Variants in SLC36A1 observed in about 807,000 individuals in gnomAD.
SLC36A1 encodes the protein solute carrier family 36 member 1, also known as proton-coupled amino acid transporter 1.
SLC36A1 carries 30 observed loss-of-function variants against 47.5 expected under a neutral mutation model. That is an observed-to-expected ratio of 0.63 (90% confidence interval 0.47 to 0.86). The LOEUF (loss-of-function observed/expected upper bound fraction) is 0.86. Ranked by LOEUF, SLC36A1 falls within the 40% of genes least tolerant of loss-of-function variation. SLC36A1 has a pLI of 0.00. For synonymous variants in SLC36A1, 255 were observed against 249.7 expected, an observed-to-expected ratio of 1.02 and a Z score of -0.20; for missense variants, 517 against 606.0, an observed-to-expected ratio of 0.85 and a Z score of 1.54.
chr5:151,517,753 C>G, the SLC36A1 span: 1 of 1,614,172 alleles, frequency 6.2e-7, no homozygotes, highest in Non-Finnish European at 8.5e-7. Flanking sequence ...ACCACTGAAC[C>G]TTGTAGCAGT....
At chr5:151,533,086 A>C in the SLC36A1 span, among the ~76,000 whole-genome samples, 5,461 of 152,176 alleles carry the variant, frequency 0.036, 157 homozygotes, top group Non-Finnish European at 0.058. Flanking sequence ...ATATAAGGCC[A>C]CTCTAGGAGC....
At chr5:151,440,947 A>G (rs1752587469) in intron 1 of SLC36A1, among the ~76,000 whole-genome samples, 1 of 152,238 alleles carries the variant, frequency 6.6e-6, no homozygotes, top group Non-Finnish European at 1.5e-5. Context: ...CCTTTAGGGC[A>G]GTGGTTCTAC....
the SLC36A1 span, among the ~76,000 whole-genome samples, chr5:151,373,202 G>A: frequency 6.6e-6 from 1 of 152,078 alleles, no homozygotes; most frequent in Non-Finnish European, 1.5e-5. Context: ...GGAGGCTAAG[G>A]CAAGAGGATG....
the SLC36A1 span, among the ~76,000 whole-genome samples, chr5:151,514,832 C>T: frequency 7.2e-5 from 11 of 152,326 alleles, no homozygotes; most frequent in African/African-American, 2.4e-4. Flanking sequence ...ATTCTACCTC[C>T]TCACCTCCTC....
intron 2 of SLC36A1, among the ~76,000 whole-genome samples, chr5:151,460,313 G>A (rs1046333599): frequency 2.6e-5 from 4 of 152,084 alleles, no homozygotes; most frequent in Non-Finnish European, 5.9e-5. Flanking sequence ...GCAATATTTA[G>A]CAGATGAGGT....
chr5:151,550,739 T>C, the SLC36A1 span: 5 of 1,614,068 alleles, frequency 3.1e-6, no homozygotes, highest in African/African-American at 5.3e-5. Context: ...CTTTTGCCCT[T>C]GTCTTGATCT....
At chr5:151,448,909 GT>G (rs902043947) in intron 1 of SLC36A1, among the ~76,000 whole-genome samples, 1 of 151,996 alleles carries the variant, frequency 6.6e-6, no homozygotes, top group African/African-American at 2.4e-5. Flanking sequence ...TTCTAGGCTT[GT>G]TTTTTTGTTT....
downstream of SLC36A1, among the ~76,000 whole-genome samples, chr5:151,493,730 AC>A (rs1322717558): frequency 1.3e-5 from 2 of 152,210 alleles, no homozygotes; most frequent in East Asian, 1.9e-4. Context: ...GGATACACAC[AC>A]AAGTCTTCTG....
chr5:151,385,009 A>AGAGTGTGTGTGTGTGTGT, the SLC36A1 span, among the ~76,000 whole-genome samples: 451 of 128,510 alleles, frequency 3.5e-3, 6 homozygotes, highest in African/African-American at 0.015. Flanking sequence ...AGAGAGAGAG[A>AGAGTGTGTGTGTGTGTGT]GTGTGTGTGT....
chr5:151,448,119 A>G (rs1299930848), intron 1 of SLC36A1, among the ~76,000 whole-genome samples: 2 of 152,178 alleles, frequency 1.3e-5, no homozygotes, highest in Non-Finnish European at 2.9e-5. Context: ...TGCTTGAGAC[A>G]GGCTCATAAT....
At chr5:151,380,591 G>T in the SLC36A1 span, 1 of 548,864 alleles carries the variant, frequency 1.8e-6, no homozygotes. Flanking sequence ...GAGGACATCA[G>T]TTCCCTGTCC....
At chr5:151,484,297 C>T (rs370902226) in intron 10 of SLC36A1, among the ~76,000 whole-genome samples, 28 of 152,308 alleles carry the variant, frequency 1.8e-4, no homozygotes, top group Middle Eastern at 3.4e-3. Context: ...GTCTCTTGAG[C>T]GGACATCAGC....
At chr5:151,460,503 G>T (rs36039116) in intron 2 of SLC36A1, among the ~76,000 whole-genome samples, 48,316 of 151,794 alleles carry the variant, frequency 0.32, 8,404 homozygotes, top group East Asian at 0.66. Flanking sequence ...ACTTTGTTCC[G>T]AGTTTCCCTT....
chr5:151,521,613 G>A, the SLC36A1 span: 2 of 1,614,178 alleles, frequency 1.2e-6, no homozygotes, highest in Non-Finnish European at 1.7e-6. Flanking sequence ...CCCGTTTGAT[G>A]TCCAGCTTAT....
intron 1 of SLC36A1, among the ~76,000 whole-genome samples, chr5:151,440,119 G>T (rs140988676): frequency 6.6e-6 from 1 of 152,252 alleles, no homozygotes; most frequent in Non-Finnish European, 1.5e-5. Flanking sequence ...AGTGACAAAA[G>T]TAGGTAGGCC....
the SLC36A1 span, chr5:151,510,038 A>T: frequency 6.2e-7 from 1 of 1,613,932 alleles, no homozygotes; most frequent in Non-Finnish European, 8.5e-7. Context: ...CTGTGTAAGG[A>T]TGAGGGCAGT....
chr5:151,488,579 T>A lies in SLC36A1; in HGVS notation c.*325T>A. 2.7e-6 allele frequency: 1 copy of A among 374,450 alleles called. No individual in the cohort carries two copies. The allele number at this position is 374,450 out of a possible 1,614,324, so 23.2% of individuals were successfully genotyped here. A position where few individuals can be genotyped will look rare whatever the true frequency, so the allele number is the denominator to read the frequency against. ...TGCTGGTGCACCTCGCCCAACTCAT[T>A]CTTACTGCACAGTTCACTTTATTTA... On this transcript the variant is annotated 3_prime_UTR_variant, in exon 11 of 11. Coordinates refer to ENST00000243389, the MANE Select transcript of SLC36A1 (RefSeq NM_078483.4).
intron 1 of SLC36A1, among the ~76,000 whole-genome samples, chr5:151,438,990 G>A (rs1561710826): frequency 6.6e-6 from 1 of 152,110 alleles, no homozygotes; most frequent in African/African-American, 2.4e-5. Flanking sequence ...TATACTACCC[G>A]AGGCTGGATC....
the SLC36A1 span, among the ~76,000 whole-genome samples, chr5:151,533,393 A>AC: frequency 4.5e-5 from 6 of 132,112 alleles, no homozygotes; most frequent in Admixed American, 7.7e-5. Flanking sequence ...TGTTATCTCC[A>AC]ACACACACAC....
Sources: gnomAD v4.1 joint callset for allele counts (sites outside exome capture counted in the v4.1 genomes callset) on GRCh38, gnomAD v4.1.1 for gene constraint, MANE v1.5 for transcripts, NCBI Gene and HGNC (gene_info 2026-07-23, HGNC 2026-07-21) for gene names.